Variants in ZPBP observed in about 807,000 individuals in gnomAD.
ZPBP encodes zona pellucida binding protein, also known as zona pellucida-binding protein 1.
ZPBP carries 26 observed loss-of-function variants against 44.8 expected under a neutral mutation model. That is an observed-to-expected ratio of 0.58 (90% CI 0.43 to 0.81). The LOEUF is 0.81. Ranked by LOEUF, ZPBP falls within the 30% of genes least tolerant of loss-of-function variation. ZPBP has a pLI of 0.00. For missense variants in ZPBP, 409 were observed against 434.0 expected, an observed-to-expected ratio of 0.94 and a Z score of 0.51; for synonymous variants, 174 against 153.2, an observed-to-expected ratio of 1.14 and a Z score of -1.00.
rs532287630 is a variant in ZPBP, at chr7:49,851,419, A to T, written n.510-905T>A. ...AACACCAGAGCCTGGCTCATAGCAG[A>T]CGGGCACTTAAGGATGTCTGCCCAC... On this transcript the variant is annotated intron_variant and non_coding_transcript_variant, in intron 2 of 2. Transcript: ENST00000465922. 7.2e-4 allele frequency among the ~76,000 whole-genome samples: 110 copies of T among 152,348 alleles called. 1 individual carries two copies. Among genetic ancestry groups the T allele is most frequent in the African/African-American group, 2.5e-3 (105 of 41,588 alleles).
At chr7:50,080,197 G>A (rs1035631049) in intron 3 of ZPBP, among the ~76,000 whole-genome samples, 2 of 151,638 alleles carry the variant, frequency 1.3e-5, no homozygotes, top group Admixed American at 6.6e-5. Context: ...ACCTCTTCCA[G>A]TCCTTTCTGA....
In ZPBP at chr7:49,981,341, T is replaced by TC. The variant is rs1562819138; in HGVS notation, c.961+2000_961+2001insG. 3.2e-4 allele frequency among the ~76,000 whole-genome samples: 9 copies of TC among 27,822 alleles called. No homozygotes were observed. The East Asian group carries it at 0.02, about 63-fold the overall frequency. 18.3% of individuals were successfully genotyped at this position (27,822 alleles called of 152,430 possible). On this transcript the variant is annotated intron_variant, in intron 7 of 7. Transcript: ENST00000046087. ...ATATAATATATATTATAATTATATATATTATATAATATATATTATATATAA... is the reference window on the plus strand; with the variant it reads ...ATATAATATATATTATAATTATATATCATTATATAATATATATTATATATAA...
intron 6 of ZPBP, among the ~76,000 whole-genome samples, chr7:50,015,828 T>TC (rs1366544508): frequency 7.2e-5 from 11 of 152,110 alleles, no homozygotes; most frequent in Admixed American, 7.2e-4. Flanking sequence ...ACATCACTAA[T>TC]CATGAGAGAA....
intron 7 of ZPBP, chr7:49,942,254 AT>A (rs1794920386): frequency 4.8e-6 from 1 of 209,746 alleles, no homozygotes; most frequent in East Asian, 1.6e-4. Context: ...GTTACTGCTA[AT>A]ATCTGAATTT....
intron 7 of ZPBP, chr7:49,944,175 G>A: frequency 3.2e-6 from 1 of 316,884 alleles, no homozygotes; most frequent in South Asian, 3.3e-5. Flanking sequence ...AATCATGACT[G>A]CTTAATCACA....
At chr7:49,853,705 A>C (rs965207905) in intron 2 of ZPBP, among the ~76,000 whole-genome samples, 1 of 152,080 alleles carries the variant, frequency 6.6e-6, no homozygotes, top group South Asian at 2.1e-4. Context: ...GAGCATTAAA[A>C]ACATTTAATT....
intron 3 of ZPBP, among the ~76,000 whole-genome samples, chr7:50,060,183 G>A (rs1801174687): frequency 2.0e-5 from 3 of 151,350 alleles, no homozygotes; most frequent in African/African-American, 2.5e-5. Flanking sequence ...CATTTGGGCT[G>A]GCAAGGGAGA....
At chr7:49,945,382 A>G (rs1400197724) in intron 7 of ZPBP, among the ~76,000 whole-genome samples, 1 of 152,150 alleles carries the variant, frequency 6.6e-6, no homozygotes. Flanking sequence ...AGTAGAGATT[A>G]AGCCTGATAT....
At chr7:50,058,182 T>A (rs1227067720) in intron 3 of ZPBP, 41 bp from the exon 4 acceptor site, 1 of 1,604,358 alleles carries the variant, frequency 6.2e-7, no homozygotes, top group African/African-American at 1.3e-5. Flanking sequence ...TTAAATTACA[T>A]GAGACAAGTA....
intron 2 of ZPBP, among the ~76,000 whole-genome samples, chr7:49,896,881 A>ATTTTTTTTTTTTTTTTTT (rs36066373): frequency 1.1e-5 from 1 of 95,054 alleles, no homozygotes; most frequent in Non-Finnish European, 2.1e-5. Flanking sequence ...TGGATTGATA[A>ATTTTTTTTTTTTTTTTTT]TTTTTTTTTT....
chr7:49,853,908 C>A lies in ZPBP; in HGVS notation n.510-3394G>T, dbSNP rs907958558. 2.2e-5 allele frequency among the ~76,000 whole-genome samples: 3 copies of A among 139,418 alleles called. No individual in the cohort carries two copies. In the Admixed American group the frequency reaches 2.4e-4, roughly 11 times the overall value. 91.5% of individuals were successfully genotyped at this position (139,418 alleles called of 152,430 possible). ...GGCCCCGGTGTGTGATGTTCCCCTTCCTGTGTCCAAATGTTTTCATTGTTC... is the reference window on the plus strand; with the variant it reads ...GGCCCCGGTGTGTGATGTTCCCCTTACTGTGTCCAAATGTTTTCATTGTTC... On this transcript the variant is annotated intron_variant and non_coding_transcript_variant, in intron 2 of 2. Coordinates refer to the ZPBP transcript ENST00000465922.
chr7:49,884,623 T>G (rs148162180), intron 2 of ZPBP, among the ~76,000 whole-genome samples: 1 of 152,264 alleles, frequency 6.6e-6, no homozygotes, highest in African/African-American at 2.4e-5. Flanking sequence ...TAAAAACCAG[T>G]AAATATGATT....
intron 2 of ZPBP, among the ~76,000 whole-genome samples, chr7:49,871,959 C>CT (rs1791176497): frequency 2.9e-5 from 1 of 34,612 alleles, no homozygotes; most frequent in African/African-American, 1.1e-4. Context: ...ACACACACAC[C>CT]GAGAAAGAGA....
intron 7 of ZPBP, among the ~76,000 whole-genome samples, chr7:49,969,714 T>C (rs1033271342): frequency 4.0e-5 from 6 of 151,804 alleles, no homozygotes; most frequent in African/African-American, 1.5e-4. Context: ...AACAGCACTG[T>C]ATAAAAATGA....
chr7:49,934,882 GC>G (rs1794569826), downstream of ZPBP, among the ~76,000 whole-genome samples: 1 of 152,078 alleles, frequency 6.6e-6, no homozygotes, highest in Non-Finnish European at 1.5e-5. Context: ...AATTATATTT[GC>G]CCTGGTAACT....
At chr7:49,867,933 A>T (rs1375924260) in intron 2 of ZPBP, among the ~76,000 whole-genome samples, 1 of 151,738 alleles carries the variant, frequency 6.6e-6, no homozygotes, top group Non-Finnish European at 1.5e-5. Flanking sequence ...TCCCAAGTTC[A>T]AGCAATTCTC....
rs200399891 is a variant in ZPBP, at chr7:49,921,592, A to C, written n.411+14159T>G. On this transcript the variant is annotated intron_variant and non_coding_transcript_variant, in intron 1 of 2. Transcript: ENST00000465922. ...TATCAACCACTAAGAGGATTAAATGAGTGAATATTTGTAAAACACGTAGCC... is the reference window on the plus strand; with the variant it reads ...TATCAACCACTAAGAGGATTAAATGCGTGAATATTTGTAAAACACGTAGCC... 52 of 152,298 alleles carry C rather than the reference A, an allele frequency of 3.4e-4. No individual in the cohort carries two copies. The East Asian group carries it at 9.6e-3, about 28-fold the overall frequency. 9.4% of individuals were successfully genotyped at this position (152,298 alleles called of 1,614,324 possible).
intron 1 of ZPBP, among the ~76,000 whole-genome samples, chr7:49,929,437 A>G (rs533292381): frequency 4.6e-5 from 7 of 152,282 alleles, no homozygotes; most frequent in Admixed American, 2.0e-4. Flanking sequence ...TGACTTCTCA[A>G]AGAAAGTGAA....
chr7:49,886,925 T>C (rs1791928859), intron 2 of ZPBP, among the ~76,000 whole-genome samples: 1 of 152,178 alleles, frequency 6.6e-6, no homozygotes, highest in Admixed American at 6.5e-5. Context: ...TTATGGGTCC[T>C]TTTTAGTTAT....
Sources: allele counts gnomAD v4.1 joint callset (sites outside exome capture counted in the v4.1 genomes callset), GRCh38; gene constraint gnomAD v4.1.1; transcripts MANE v1.5; gene names NCBI Gene and HGNC (gene_info 2026-07-23, HGNC 2026-07-21).